The following MYBPC1 variants were observed in gnomAD, a reference collection of about 807,000 sequenced individuals.
MYBPC1 encodes the protein myosin-binding protein C, slow-type.
MYBPC1 carries 52 observed loss-of-function variants against 147.1 expected under a neutral mutation model. That is an observed-to-expected ratio of 0.35 (90% CI 0.28 to 0.45). The LOEUF (loss-of-function observed/expected upper bound fraction) is 0.45. Among genes scored for constraint, MYBPC1 ranks in the 20% least tolerant of loss-of-function variants. MYBPC1 has a pLI of 1.00. For missense variants in MYBPC1, 1,228 were observed against 1,440.3 expected, an observed-to-expected ratio of 0.85 and a Z score of 2.39; for synonymous variants, 477 against 475.9, an observed-to-expected ratio of 1.00 and a Z score of -0.03.
chr12:101,605,417 C>A (rs1044902540), intron 1 of MYBPC1, among the ~76,000 whole-genome samples: 2 of 152,086 alleles, frequency 1.3e-5, no homozygotes, highest in Non-Finnish European at 2.9e-5. Flanking sequence ...TGGTTCAAAC[C>A]TTTTGGTCTC....
chr12:101,640,747 A>T (rs921543294), intron 10 of MYBPC1, among the ~76,000 whole-genome samples: 2 of 152,190 alleles, frequency 1.3e-5, no homozygotes, highest in South Asian at 2.1e-4. Context: ...TAAACTCTAT[A>T]TTAATATCTA....
At chr12:101,631,839 C>A in intron 7 of MYBPC1, 120 bp downstream of exon 7, 1 of 1,459,074 alleles carries the variant, frequency 6.9e-7, no homozygotes, top group Non-Finnish European at 9.5e-7. Context: ...CTGAAGTTAC[C>A]ATTGCAGTGT....
chr12:101,627,900 T>C, intron 5 of MYBPC1, 96 bp downstream of exon 5: 1 of 1,381,364 alleles, frequency 7.2e-7, no homozygotes, highest in Non-Finnish European at 1.0e-6. Context: ...ATCCTTGTCT[T>C]ATTCAGATTG....
At chr12:101,613,408 A>G (rs1884962832) in intron 1 of MYBPC1, among the ~76,000 whole-genome samples, 2 of 152,236 alleles carry the variant, frequency 1.3e-5, no homozygotes, top group Non-Finnish European at 2.9e-5. Context: ...AGGATTCCAC[A>G]ATGTGCCTAT....
intron 1 of MYBPC1, among the ~76,000 whole-genome samples, chr12:101,595,409 C>T (rs930055253): frequency 6.6e-5 from 10 of 152,028 alleles, no homozygotes; most frequent in African/African-American, 1.4e-4. Context: ...AAACAGATTA[C>T]GTTTTCAAGC....
chr12:101,664,327 T>C (rs2136509325), intron 22 of MYBPC1: 1 of 152,346 alleles, frequency 6.6e-6, no homozygotes, highest in South Asian at 2.1e-4. Context: ...TTGCCATAAC[T>C]AGAAAGGGAT....
At chr12:101,652,010 C>T (rs1395413036) in intron 16 of MYBPC1, among the ~76,000 whole-genome samples, 2 of 152,106 alleles carry the variant, frequency 1.3e-5, no homozygotes, top group Non-Finnish European at 2.9e-5. Context: ...ATGGATTAAC[C>T]GTCTCTAACC....
intron 21 of MYBPC1, 66 bp downstream of exon 21, chr12:101,662,612 T>C (rs934675372): frequency 4.5e-6 from 7 of 1,559,862 alleles, no homozygotes; most frequent in African/African-American, 4.1e-5. Flanking sequence ...GCTTTCTCTC[T>C]GATCCCTAAC....
intron 19 of MYBPC1, among the ~76,000 whole-genome samples, 186 bp from the exon 20 acceptor site, chr12:101,660,972 A>G (rs1367370524): frequency 2.0e-5 from 3 of 152,200 alleles, no homozygotes; most frequent in African/African-American, 7.2e-5. Flanking sequence ...TGGGAGCTAC[A>G]GTTCAAGATG....
chr12:101,685,620 C>T lies in MYBPC1; in HGVS notation c.*58C>T. On this transcript the variant is annotated 3_prime_UTR_variant, in exon 32 of 32. Coordinates refer to ENST00000361466, the MANE Select transcript of MYBPC1 (RefSeq NM_002465.4). ...CTGCAGACTCCTCTTGCAAGGCGTA[C>T]CTCCAAACATAATTGATTCGTATCT... 1 of 1,534,856 alleles carries T rather than the reference C, an allele frequency of 6.5e-7. No individual in the cohort carries two copies. Among genetic ancestry groups the T allele is most frequent in the Non-Finnish European group, 8.7e-7 (1 of 1,145,950 alleles).
At chr12:101,602,812 C>G (rs1010677782) in intron 1 of MYBPC1, among the ~76,000 whole-genome samples, 1 of 152,178 alleles carries the variant, frequency 6.6e-6, no homozygotes, top group Non-Finnish European at 1.5e-5. Context: ...CCCATAGAAG[C>G]TCAGATCAAA....
chr12:101,651,368 C>T lies in MYBPC1; in HGVS notation c.1501C>T (p.Arg501Cys), dbSNP rs777944673. 2.5e-5 allele frequency: 41 copies of T among 1,613,922 alleles called. No homozygotes were observed. In the Admixed American group the frequency reaches 5.3e-4, roughly 21 times the overall value. ...KNGLPVQESD[R>C]LKVVHKGRIH... ...TGGCCTACCTGTTCAGGAGAGTGAC[C>T]GTCTAAAGGTGGTTCACAAGGGAAG... is the stretch of plus-strand genomic sequence containing the variant. The change falls in exon 16 of 32, where the codon CGT becomes TGT. Residue 501 changes from arginine (R) to cysteine (C), a missense_variant. Physicochemically the swap from Arg to Cys is radical, Grantham distance 180 (BLOSUM62 -3). Around this residue, in one of 2 missense-constraint regions of MYBPC1, gnomAD observed 1,077 missense variants for 1,314.2 expected, o/e 0.82. Coordinates refer to ENST00000361466, the MANE Select transcript of MYBPC1 (RefSeq NM_002465.4).
At chr12:101,644,553 T>G in intron 11 of MYBPC1, 111 bp from the exon 12 acceptor site, 1 of 1,033,320 alleles carries the variant, frequency 9.7e-7, no homozygotes, top group Non-Finnish European at 1.5e-6. Context: ...ATTTTTTTCT[T>G]GAGATTCATT....
At chr12:101,653,885 C>CA (rs201336779) in intron 18 of MYBPC1, among the ~76,000 whole-genome samples, 554 of 51,454 alleles carry the variant, frequency 0.011, 7 homozygotes, top group African/African-American at 0.023. Context: ...AAAATAAAAG[C>CA]AAAAAAAGAA....
chr12:101,678,324 G>C (rs1007930170), intron 28 of MYBPC1, 86 bp downstream of exon 28: 8 of 1,557,060 alleles, frequency 5.1e-6, no homozygotes, highest in African/African-American at 1.4e-5. Context: ...AACAAATCCA[G>C]CTGCTACTTG....
chr12:101,637,572 TAAAC>T (rs953914498), intron 10 of MYBPC1, among the ~76,000 whole-genome samples: 3 of 152,130 alleles, frequency 2.0e-5, no homozygotes, highest in African/African-American at 4.8e-5. Context: ...AATTTGTAAA[TAAAC>T]AGAGTAAAAC....
rs112777311 is a variant in MYBPC1, at chr12:101,633,641, C to T, written c.557-913C>T. ...GGCGGAGGTTGCAGTGAGACAAGAC[C>T]GCGCCATTGCACTCCAGCCTGGGCA... On this transcript the variant is annotated intron_variant, in intron 8 of 31. Transcript: ENST00000361466. Among the ~76,000 whole-genome samples, 666 of 151,082 alleles carry T rather than the reference C, an allele frequency of 4.4e-3. 4 individuals are homozygous for T. The highest frequency in any genetic ancestry group is 0.016 in the African/African-American group (642 of 41,194).
At chr12:101,595,505 G>T (rs1217275167) in intron 1 of MYBPC1, among the ~76,000 whole-genome samples, 1 of 151,956 alleles carries the variant, frequency 6.6e-6, no homozygotes, top group African/African-American at 2.4e-5. Context: ...TTCTCAAATG[G>T]TTAATACATT....
chr12:101,595,062 A>G lies in MYBPC1; in HGVS notation c.-9A>G. ...GAGACTCTTTAAAGAATAACATCTT[A>G]TTGTGGCCATGCCAGAACCCACTAA... is the stretch of plus-strand genomic sequence containing the variant. On this transcript the variant is annotated 5_prime_UTR_variant, in exon 1 of 32. Coordinates refer to ENST00000361466, the MANE Select transcript of MYBPC1 (RefSeq NM_002465.4). 1.9e-6 allele frequency: 3 copies of G among 1,612,750 alleles called. No individual in the cohort carries two copies. Among genetic ancestry groups the G allele is most frequent in the Admixed American group, 1.7e-5 (1 of 59,956 alleles).
Sources: gnomAD v4.1 joint callset for allele counts (sites outside exome capture counted in the v4.1 genomes callset) on GRCh38, gnomAD v4.1.1 for gene constraint, gnomAD v4.1.1 regional missense constraint, MANE v1.5 for transcripts, NCBI Gene and HGNC (gene_info 2026-07-23, HGNC 2026-07-21) for gene names.